Variants in DCC observed in about 807,000 individuals in gnomAD.
DCC encodes netrin receptor DCC.
DCC carries 58 observed loss-of-function variants against 172.5 expected under a neutral mutation model. The ratio of observed to expected loss-of-function variants is 0.34; its 90% CI spans 0.27 to 0.42. DCC has a LOEUF of 0.42. Among genes scored for constraint, DCC ranks in the 10% least tolerant of loss-of-function variants. DCC has a pLI of 1.00. For missense variants in DCC, 1,740 were observed against 1,791.0 expected, an observed-to-expected ratio of 0.97 and a Z score of 0.51; for synonymous variants, 709 against 644.5, an observed-to-expected ratio of 1.10 and a Z score of -1.52.
intron 5 of DCC, among the ~76,000 whole-genome samples, chr18:53,039,118 C>A (rs921154115): frequency 6.6e-6 from 1 of 152,002 alleles, no homozygotes; most frequent in African/African-American, 2.4e-5. Flanking sequence ...AGATTTATTA[C>A]ACAAAGTCTG....
chr18:53,431,649 T>A (rs913730885), intron 21 of DCC, among the ~76,000 whole-genome samples: 1 of 152,120 alleles, frequency 6.6e-6, no homozygotes, highest in African/African-American at 2.4e-5. Context: ...CGTGCTCTGC[T>A]AATTTTCGTA....
chr18:52,711,776 G>A (rs1320086855), intron 1 of DCC, among the ~76,000 whole-genome samples: 1 of 152,122 alleles, frequency 6.6e-6, no homozygotes, highest in East Asian at 1.9e-4. Context: ...GTTCCCTTGT[G>A]GTAATAGCAT....
intron 20 of DCC, 63 bp from the exon 21 acceptor site, chr18:53,416,061 T>A (rs773822380): frequency 5.0e-6 from 6 of 1,209,456 alleles, no homozygotes; most frequent in Non-Finnish European, 7.4e-6. Flanking sequence ...GTTGGTTTGA[T>A]ATGTCAGCTT....
At chr18:53,031,000 T>G (rs1477500311) in intron 5 of DCC, among the ~76,000 whole-genome samples, 1 of 152,170 alleles carries the variant, frequency 6.6e-6, no homozygotes, top group African/African-American at 2.4e-5. Flanking sequence ...GGCTCACGCC[T>G]ATAATCCCAG....
intron 14 of DCC, among the ~76,000 whole-genome samples, chr18:53,322,935 A>G (rs535348523): frequency 6.6e-6 from 1 of 152,208 alleles, no homozygotes; most frequent in Admixed American, 6.5e-5. Flanking sequence ...GAAGTAAGAT[A>G]TGATAAGTAT....
intron 1 of DCC, among the ~76,000 whole-genome samples, chr18:52,591,805 G>A (rs1212211129): frequency 6.2e-5 from 6 of 96,676 alleles, no homozygotes; most frequent in Admixed American, 5.1e-4. Context: ...TTTTTTTTTC[G>A]GTAGTAACGG....
At chr18:53,040,953 G>T (rs1421361875) in intron 5 of DCC, among the ~76,000 whole-genome samples, 1 of 151,922 alleles carries the variant, frequency 6.6e-6, no homozygotes, top group Non-Finnish European at 1.5e-5. Context: ...AGGATCAATA[G>T]ATTGCAAAAA....
intron 27 of DCC, among the ~76,000 whole-genome samples, chr18:53,509,445 G>T (rs188727343): frequency 6.6e-6 from 1 of 152,270 alleles, no homozygotes; most frequent in East Asian, 1.9e-4. Context: ...TTATGAAAAG[G>T]CAGATTTAGA....
intron 5 of DCC, among the ~76,000 whole-genome samples, chr18:52,961,267 T>C (rs1481710296): frequency 2.0e-5 from 3 of 152,176 alleles, no homozygotes; most frequent in Middle Eastern, 6.8e-3. Flanking sequence ...GTTGTGCACA[T>C]GTACCCTAAA....
chr18:52,878,484 A>T (rs1339402599), intron 2 of DCC, among the ~76,000 whole-genome samples: 1 of 152,122 alleles, frequency 6.6e-6, no homozygotes, highest in Non-Finnish European at 1.5e-5. Flanking sequence ...TCCCCAAGGT[A>T]TCCTCATATT....
At chr18:52,347,126 C>T (rs1983914258) in intron 1 of DCC, among the ~76,000 whole-genome samples, 1 of 152,136 alleles carries the variant, frequency 6.6e-6, no homozygotes, top group African/African-American at 2.4e-5. Flanking sequence ...GATGAAAATA[C>T]CAACTGGTTA....
Position 52,923,789 on chromosome 18 carries a change from ATGT to A in DCC, c.784_786del (p.Cys262del). 3.7e-6 allele frequency: 6 copies of A among 1,613,126 alleles called. No homozygotes were observed. The highest frequency in any genetic ancestry group is 1.3e-5 in the African/African-American group (1 of 75,012). On this transcript the variant is annotated inframe_deletion, in exon 4 of 29. Transcript: ENST00000442544. The stretch of plus-strand genomic sequence containing the variant: ...TTGAAGGAAAAGATGCTGTCCTGGA[ATGT>A]TGTGTTTCTGGCTATCCTCCACCAA...
intron 12 of DCC, among the ~76,000 whole-genome samples, chr18:53,293,273 G>T (rs1052806957): frequency 6.6e-6 from 1 of 152,126 alleles, no homozygotes; most frequent in African/African-American, 2.4e-5. Context: ...ATTCAGAAAT[G>T]CACACTACAC....
intron 2 of DCC, among the ~76,000 whole-genome samples, chr18:52,813,369 T>C (rs1235879981): frequency 1.3e-5 from 2 of 152,026 alleles, no homozygotes; most frequent in Admixed American, 6.6e-5. Flanking sequence ...AAGATGGTAG[T>C]TTTTAGGGAG....
intron 12 of DCC, among the ~76,000 whole-genome samples, chr18:53,232,826 A>G (rs531096174): frequency 1.1e-3 from 167 of 152,194 alleles, no homozygotes; most frequent in African/African-American, 3.7e-3. Flanking sequence ...TTAAACTTCA[A>G]AACCATCCTA....
At chr18:52,729,462 G>A (rs906096689) in intron 1 of DCC, among the ~76,000 whole-genome samples, 3 of 152,128 alleles carry the variant, frequency 2.0e-5, no homozygotes, top group Non-Finnish European at 4.4e-5. Flanking sequence ...GTTTCACCAT[G>A]TTGGCCAGGC....
At chr18:53,006,965 T>C (rs1175415023) in intron 5 of DCC, among the ~76,000 whole-genome samples, 1 of 152,148 alleles carries the variant, frequency 6.6e-6, no homozygotes, top group East Asian at 1.9e-4. Flanking sequence ...CCATCAGAAA[T>C]GGTATATTCA....
chr18:52,414,507 A>C (rs1986950670), intron 1 of DCC, among the ~76,000 whole-genome samples: 3 of 152,186 alleles, frequency 2.0e-5, no homozygotes, highest in African/African-American at 7.2e-5. Flanking sequence ...TCAAATGGCC[A>C]AAGTAGATGG....
At chr18:53,286,077 A>G (rs1275186060) in intron 12 of DCC, among the ~76,000 whole-genome samples, 1 of 152,168 alleles carries the variant, frequency 6.6e-6, no homozygotes. Flanking sequence ...CTTGTCTCAG[A>G]TGAGACTTTG....
Sources: allele counts gnomAD v4.1 joint callset (sites outside exome capture counted in the v4.1 genomes callset), GRCh38; gene constraint gnomAD v4.1.1; transcripts MANE v1.5; gene names NCBI Gene and HGNC (gene_info 2026-07-23, HGNC 2026-07-21).